The following PTPN4 variants were observed in gnomAD, a reference collection of about 807,000 sequenced individuals.
PTPN4 encodes the protein protein tyrosine phosphatase non-receptor type 4.
In PTPN4, 49 loss-of-function variants were observed where a neutral mutation model predicts 135.5. The observed-to-expected ratio is 0.36, with a 90% CI of 0.29 to 0.46. PTPN4 has a LOEUF of 0.46. PTPN4 is among the 20% of genes least tolerant of loss of function. The pLI is 1.00. For missense variants in PTPN4, 860 were observed against 1,101.0 expected (o/e 0.78, Z 3.10); for synonymous variants, 333 against 369.9 (o/e 0.90, Z 1.14).
chr2:119,946,710 CTT>C (rs1250711401), intron 18 of PTPN4, 136 bp downstream of exon 18: 2 of 689,666 alleles, frequency 2.9e-6, no homozygotes, highest in African/African-American at 1.8e-5. Context: ...GGCTGAATCT[CTT>C]TAAGTTGCTG....
intron 22 of PTPN4, 86 bp downstream of exon 22, chr2:119,957,163 C>T (rs1420653025): frequency 1.6e-6 from 2 of 1,216,422 alleles, no homozygotes; most frequent in African/African-American, 1.5e-5. Context: ...AAATCCTGAC[C>T]TGGATAGAAT....
intron 1 of PTPN4, among the ~76,000 whole-genome samples, chr2:119,803,256 G>C (rs1691406753): frequency 6.6e-6 from 1 of 152,068 alleles, no homozygotes; most frequent in Non-Finnish European, 1.5e-5. Context: ...AGGTTCTTGA[G>C]GAGGGAGGTT....
At chr2:119,829,653 CT>C (rs1169826357) in intron 2 of PTPN4, among the ~76,000 whole-genome samples, 5 of 152,106 alleles carry the variant, frequency 3.3e-5, no homozygotes, top group Admixed American at 6.5e-5. Flanking sequence ...AGAACTTTCA[CT>C]TTTTTTTCAT....
chr2:119,855,126 G>C (rs1677657581), intron 2 of PTPN4, among the ~76,000 whole-genome samples: 1 of 152,134 alleles, frequency 6.6e-6, no homozygotes, highest in Admixed American at 6.5e-5. Flanking sequence ...TCTGTCTATA[G>C]AATTTCTCAT....
chr2:119,928,740 A>G lies in PTPN4; in HGVS notation c.1070+2074A>G, dbSNP rs1224361793. On this transcript the variant is annotated intron_variant, in intron 13 of 26. Coordinates refer to ENST00000263708, the MANE Select transcript of PTPN4 (RefSeq NM_002830.4). ...GTTGTAACAGCGTAGCAATATACTT[A>G]AAACTTTCCTTTCTTAACAAGTGTC... Among the ~76,000 whole-genome samples the G allele has an allele frequency of 3.5e-4, 54 of 152,178 alleles. 1 individual carries two copies. The highest frequency in any genetic ancestry group is 3.5e-3 in the Admixed American group (53 of 15,282).
At chr2:119,847,683 A>C (rs1279236535) in intron 2 of PTPN4, among the ~76,000 whole-genome samples, 5 of 152,024 alleles carry the variant, frequency 3.3e-5, no homozygotes, top group Non-Finnish European at 7.4e-5. Flanking sequence ...TTGGTTTTTC[A>C]TGTAAATTCA....
chr2:119,943,753 A>T (rs1679095354), intron 15 of PTPN4, among the ~76,000 whole-genome samples: 1 of 150,782 alleles, frequency 6.6e-6, no homozygotes, highest in Non-Finnish European at 1.5e-5. Context: ...TGCCTAGCTA[A>T]TTTTTTTGTA....
chr2:119,897,312 A>G (rs528635626), intron 9 of PTPN4, among the ~76,000 whole-genome samples: 10 of 152,180 alleles, frequency 6.6e-5, no homozygotes, highest in African/African-American at 2.4e-4. Context: ...GTTTTGCCAC[A>G]GACATGAAAT....
In PTPN4 at chr2:119,760,208, G is replaced by A. The variant is rs1690454604; in HGVS notation, c.-194G>A. ...AGCGGCGCCGGCCCGCGGCTGCCCA[G>A]CAGCATGAGGTGGTGCTGGCGGCTC... On this transcript the variant is annotated 5_prime_UTR_variant, in exon 1 of 27. Transcript: ENST00000263708. The A allele has an allele frequency of 2.5e-6, 1 of 396,164 alleles. No individual in the cohort carries two copies. The highest frequency in any genetic ancestry group is 4.5e-6 in the Non-Finnish European group (1 of 224,450). 24.5% of individuals were successfully genotyped at this position (396,164 alleles called of 1,614,324 possible).
At chr2:119,760,960 A>G (rs574379805) in intron 1 of PTPN4, among the ~76,000 whole-genome samples, 19 of 151,760 alleles carry the variant, frequency 1.3e-4, no homozygotes, top group Non-Finnish European at 2.2e-4. Context: ...TTACAGTTGC[A>G]CAGGTGATGT....
intron 11 of PTPN4, among the ~76,000 whole-genome samples, chr2:119,919,463 G>A (rs1678705424): frequency 6.6e-6 from 1 of 152,134 alleles, no homozygotes; most frequent in South Asian, 2.1e-4. Context: ...GTTGAAAACA[G>A]ATACATATTA....
At position 119,760,170 on chromosome 2, in the gene PTPN4, C is replaced by G. The variant is rs1690452873; in HGVS notation, c.-232C>G. 2.5e-6 allele frequency: 1 copy of G among 393,944 alleles called. No individual in the cohort carries two copies. The highest frequency in any genetic ancestry group is 4.5e-6 in the Non-Finnish European group (1 of 223,210). The allele number at this position is 393,944 out of a possible 1,614,324, so 24.4% of individuals were successfully genotyped here. On this transcript the variant is annotated 5_prime_UTR_variant, in exon 1 of 27. Coordinates refer to ENST00000263708, the MANE Select transcript of PTPN4 (RefSeq NM_002830.4). ...GAGAGGTCGCCGGCTGCCCGCCTCCCTGCCACCTCCCCAGCGGCGCCGGCC... is the reference window on the plus strand; with the variant it reads ...GAGAGGTCGCCGGCTGCCCGCCTCCGTGCCACCTCCCCAGCGGCGCCGGCC...
intron 2 of PTPN4, among the ~76,000 whole-genome samples, chr2:119,816,907 C>A (rs997932834): frequency 6.6e-6 from 1 of 152,180 alleles, no homozygotes; most frequent in Non-Finnish European, 1.5e-5. Context: ...CCATCATTTG[C>A]AATCTCAAGC....
At position 119,936,911 on chromosome 2, in the gene PTPN4, C is replaced by A. The variant is rs568608494; in HGVS notation, c.1355+1953C>A. Among the ~76,000 whole-genome samples the A allele has an allele frequency of 3.1e-4, 47 of 152,172 alleles. No individual in the cohort carries two copies. The South Asian group carries it at 9.3e-3, about 30-fold the overall frequency. On this transcript the variant is annotated intron_variant, in intron 15 of 26. Coordinates refer to ENST00000263708, the MANE Select transcript of PTPN4 (RefSeq NM_002830.4). ...TATATTACTGCATTTGACATTCAAC[C>A]AGTTTTTAACCTTAAGAATAATGAG...
At position 119,977,107 on chromosome 2, in the gene PTPN4, G is replaced by C. The variant is rs746466554; in HGVS notation, c.*37G>C. ...GATCTGGGATATGTGTTGGAAAACT[G>C]CTTTCCCTTATGTTCACTGTGCCAT... is the stretch of plus-strand genomic sequence containing the variant. On this transcript the variant is annotated 3_prime_UTR_variant, in exon 27 of 27. Transcript: ENST00000263708. 10 of 1,559,980 alleles carry C rather than the reference G, an allele frequency of 6.4e-6. No individual in the cohort carries two copies. The South Asian group carries it at 1.1e-4, about 17-fold the overall frequency.
intron 10 of PTPN4, among the ~76,000 whole-genome samples, chr2:119,912,997 T>A (rs1270242683): frequency 6.6e-6 from 1 of 152,194 alleles, no homozygotes; most frequent in African/African-American, 2.4e-5. Context: ...CTGTGTGGTC[T>A]TTTGTGATTG....
chr2:119,969,980 G>A (rs72952829), intron 26 of PTPN4, among the ~76,000 whole-genome samples: 3,871 of 152,216 alleles, frequency 0.025, 167 homozygotes, highest in African/African-American at 0.087. Flanking sequence ...AAATTCAGCC[G>A]CTTAAAGTAT....
intron 12 of PTPN4, among the ~76,000 whole-genome samples, chr2:119,923,758 C>T (rs1280985849): frequency 6.6e-6 from 1 of 151,944 alleles, no homozygotes. Flanking sequence ...TATATAGAAA[C>T]AATTCTTGAC....
intron 15 of PTPN4, among the ~76,000 whole-genome samples, chr2:119,937,883 G>C (rs1679006754): frequency 2.0e-5 from 3 of 151,614 alleles, no homozygotes; most frequent in Admixed American, 1.3e-4. Flanking sequence ...ATTGCTCCAT[G>C]ATGGTGCCTG....
Sources: gnomAD v4.1 joint callset for allele counts (sites outside exome capture counted in the v4.1 genomes callset) on GRCh38, gnomAD v4.1.1 for gene constraint, MANE v1.5 for transcripts, NCBI Gene and HGNC (gene_info 2026-07-23, HGNC 2026-07-21) for gene names.